OPCML: variants seen among roughly 807,000 people sequenced by gnomAD.
The protein encoded by OPCML is opioid binding protein/cell adhesion molecule like, also known as opioid-binding protein/cell adhesion molecule.
OPCML carries 13 observed loss-of-function variants against 37.8 expected under a neutral mutation model. The ratio of observed to expected loss-of-function variants is 0.34; its 90% CI spans 0.22 to 0.55. The LOEUF is 0.55. Ranked by LOEUF, OPCML falls within the 20% of genes least tolerant of loss-of-function variation. OPCML has a pLI of 0.91. For missense variants in OPCML, 341 were observed against 435.6 expected (o/e 0.78, Z 1.93); for synonymous variants, 176 against 168.8 (o/e 1.04, Z -0.33).
intron 1 of OPCML, among the ~76,000 whole-genome samples, chr11:133,027,141 AC>A (rs1398582300): frequency 6.6e-6 from 1 of 152,180 alleles, no homozygotes; most frequent in African/African-American, 2.4e-5. Flanking sequence ...CCCACTTGTC[AC>A]AGTTTGCCTG....
Position 132,912,762 on chromosome 11 carries a change from G to A in OPCML, c.146+30164C>T, listed in dbSNP as rs184031217. 5.3e-5 allele frequency among the ~76,000 whole-genome samples: 8 copies of A among 152,176 alleles called. No homozygotes were observed. In the East Asian group the frequency reaches 7.7e-4, roughly 15 times the overall value. On this transcript the variant is annotated intron_variant, in intron 2 of 7. Transcript: ENST00000524381. Reference sequence around the variant, plus strand: ...TTTGACTCTCATCTCAGCCCACATCGCTCCATATTCCATGTGCTGCTGCTG... The same window carrying A: ...TTTGACTCTCATCTCAGCCCACATCACTCCATATTCCATGTGCTGCTGCTG...
chr11:132,524,843 C>G (rs2096303874), intron 4 of OPCML, among the ~76,000 whole-genome samples: 1 of 152,180 alleles, frequency 6.6e-6, no homozygotes, highest in Admixed American at 6.5e-5. Flanking sequence ...AACTTTTACC[C>G]TCCTTTGGTA....
intron 1 of OPCML, among the ~76,000 whole-genome samples, chr11:133,277,901 G>A (rs1284661698): frequency 1.3e-5 from 2 of 152,080 alleles, no homozygotes; most frequent in East Asian, 1.9e-4. Context: ...TAGGAGACAC[G>A]GAGTAACTAG....
intron 1 of OPCML, among the ~76,000 whole-genome samples, chr11:133,184,489 A>T (rs1409800052): frequency 6.6e-6 from 1 of 152,142 alleles, no homozygotes; most frequent in Non-Finnish European, 1.5e-5. Context: ...GGAGGGAAGA[A>T]GGCGAGCAAA....
At chr11:133,449,803 T>G (rs1222697935) in intron 1 of OPCML, among the ~76,000 whole-genome samples, 1 of 151,714 alleles carries the variant, frequency 6.6e-6, no homozygotes, top group Non-Finnish European at 1.5e-5. Context: ...CTAAATAATG[T>G]CTCACATTCT....
intron 1 of OPCML, among the ~76,000 whole-genome samples, chr11:133,133,653 C>T (rs934960099): frequency 3.3e-5 from 5 of 152,160 alleles, no homozygotes; most frequent in Non-Finnish European, 5.9e-5. Context: ...ATCCACCCTC[C>T]CTTTGATTAA....
At chr11:133,507,377 T>C (rs893389276) in intron 1 of OPCML, among the ~76,000 whole-genome samples, 4 of 152,204 alleles carry the variant, frequency 2.6e-5, no homozygotes, top group Non-Finnish European at 5.9e-5. Flanking sequence ...TCATTCGAAC[T>C]ATGAAACATC....
intron 3 of OPCML, among the ~76,000 whole-genome samples, chr11:132,565,006 T>TGACA (rs1225553028): frequency 1.3e-5 from 2 of 152,172 alleles, no homozygotes; most frequent in Non-Finnish European, 2.9e-5. Context: ...TATGTTGTGG[T>TGACA]GACAGTCCAA....
At chr11:132,750,506 G>T (rs1360125862) in intron 2 of OPCML, among the ~76,000 whole-genome samples, 1 of 152,048 alleles carries the variant, frequency 6.6e-6, no homozygotes, top group Admixed American at 6.6e-5. Flanking sequence ...TGGTGGCATG[G>T]GTGCGTGCAC....
At chr11:132,763,311 T>C (rs1946329306) in intron 2 of OPCML, among the ~76,000 whole-genome samples, 1 of 152,154 alleles carries the variant, frequency 6.6e-6, no homozygotes, top group African/African-American at 2.4e-5. Context: ...ATTAAGTCAT[T>C]TAATCTACTC....
chr11:133,093,945 G>A (rs981692682), intron 1 of OPCML, among the ~76,000 whole-genome samples: 2 of 152,040 alleles, frequency 1.3e-5, no homozygotes, highest in East Asian at 1.9e-4. Flanking sequence ...TCAAAGTCAC[G>A]AATGTAAGTG....
At chr11:132,965,385 C>T (rs1019910894) in intron 1 of OPCML, among the ~76,000 whole-genome samples, 3 of 152,120 alleles carry the variant, frequency 2.0e-5, no homozygotes, top group African/African-American at 7.2e-5. Flanking sequence ...GTTTAAATTA[C>T]TAATTAAACC....
At chr11:133,094,673 T>C (rs1948969637) in intron 1 of OPCML, among the ~76,000 whole-genome samples, 1 of 152,182 alleles carries the variant, frequency 6.6e-6, no homozygotes, top group Non-Finnish European at 1.5e-5. Flanking sequence ...TCTTTGTTTA[T>C]TCAAATAGCA....
chr11:133,105,987 T>TAA (rs201686210), intron 1 of OPCML, among the ~76,000 whole-genome samples: 262 of 93,094 alleles, frequency 2.8e-3, no homozygotes, highest in African/African-American at 8.1e-3. Flanking sequence ...ATCTTAAAAA[T>TAA]AAAAAAAAAA....
At chr11:132,849,845 C>T (rs1941720215) in intron 2 of OPCML, among the ~76,000 whole-genome samples, 1 of 152,192 alleles carries the variant, frequency 6.6e-6, no homozygotes, top group Non-Finnish European at 1.5e-5. Context: ...ACCGGGCAGG[C>T]ATTGTGCCAG....
At chr11:132,441,170 T>TTTGTTTTTTTTTTTTTTTG (rs2096032343) in intron 4 of OPCML, among the ~76,000 whole-genome samples, 7 of 113,526 alleles carry the variant, frequency 6.2e-5, no homozygotes, top group Admixed American at 4.5e-4. Context: ...TTTTTGTTTT[T>TTTGTTTTTTTTTTTTTTTG]TTTTTTTTTT....
chr11:133,066,107 A>G (rs1443368804), intron 1 of OPCML: 1 of 152,968 alleles, frequency 6.5e-6, no homozygotes, highest in Non-Finnish European at 1.5e-5. Context: ...CCCTCAGGCC[A>G]GCAGCACCCT....
chr11:132,450,228 G>A (rs2096065181), intron 4 of OPCML, among the ~76,000 whole-genome samples: 1 of 152,148 alleles, frequency 6.6e-6, no homozygotes, highest in Non-Finnish European at 1.5e-5. Context: ...TTTCCCACCA[G>A]CCCAAATTAG....
chr11:132,546,772 T>A (rs967827279), intron 3 of OPCML, among the ~76,000 whole-genome samples: 2 of 152,138 alleles, frequency 1.3e-5, no homozygotes, highest in African/African-American at 4.8e-5. Context: ...ATTAAATGAG[T>A]CAGTACATAT....
Sources: gnomAD v4.1 joint callset for allele counts (sites outside exome capture counted in the v4.1 genomes callset) on GRCh38, gnomAD v4.1.1 for gene constraint, MANE v1.5 for transcripts, NCBI Gene and HGNC (gene_info 2026-07-23, HGNC 2026-07-21) for gene names.